The following GRIK4 variants were observed in gnomAD, a reference collection of about 807,000 sequenced individuals.
GRIK4 encodes the protein glutamate receptor ionotropic, kainate 4.
GRIK4 carries 40 observed loss-of-function variants against 104.9 expected under a neutral mutation model. The ratio of observed to expected loss-of-function variants is 0.38; its 90% confidence interval spans 0.30 to 0.50. The LOEUF is 0.50. Ranked by LOEUF, GRIK4 falls within the 20% of genes least tolerant of loss-of-function variation. The pLI is 0.93. For missense variants in GRIK4, 1,047 were observed against 1,308.1 expected (o/e 0.80, Z 3.08); for synonymous variants, 485 against 524.9 (o/e 0.92, Z 1.04).
At chr11:120,742,162 A>G (rs1951343716) in intron 3 of GRIK4, among the ~76,000 whole-genome samples, 1 of 152,082 alleles carries the variant, frequency 6.6e-6, no homozygotes, top group Non-Finnish European at 1.5e-5. Context: ...CCTGGCCAAC[A>G]TGGGGAAACC....
intron 7 of GRIK4, among the ~76,000 whole-genome samples, 170 bp from the exon 8 acceptor site, chr11:120,836,621 T>C (rs1953581240): frequency 6.6e-6 from 1 of 152,200 alleles, no homozygotes; most frequent in Non-Finnish European, 1.5e-5. Flanking sequence ...ATTTCTGTGC[T>C]CCATCCTCTA....
chr11:120,761,360 A>T (rs1951746650), intron 3 of GRIK4, among the ~76,000 whole-genome samples: 1 of 152,112 alleles, frequency 6.6e-6, no homozygotes, highest in Admixed American at 6.5e-5. Flanking sequence ...CTTTTGTCAG[A>T]TGGATAGATT....
At chr11:120,937,497 A>G (rs1943623158) in intron 13 of GRIK4, among the ~76,000 whole-genome samples, 2 of 152,186 alleles carry the variant, frequency 1.3e-5, no homozygotes, top group African/African-American at 4.8e-5. Context: ...GACCGCCACA[A>G]ACCTTTCATG....
chr11:120,674,637 G>A (rs11217962), intron 3 of GRIK4, among the ~76,000 whole-genome samples: 1 of 152,190 alleles, frequency 6.6e-6, no homozygotes, highest in Non-Finnish European at 1.5e-5. Flanking sequence ...TGACACAGGT[G>A]GGGGAGGGAA....
Position 120,513,335 on chromosome 11 carries a change from G to A in GRIK4, c.-159+1448G>A, listed in dbSNP as rs1365257435. ...GTATCTCCGGGGAGAGAGGCCGCCTGGGTTGGTAGTGGGCATCTGAGAGAC... is the reference window on the plus strand; with the variant it reads ...GTATCTCCGGGGAGAGAGGCCGCCTAGGTTGGTAGTGGGCATCTGAGAGAC... On this transcript the variant is annotated intron_variant, in intron 1 of 20. Coordinates refer to ENST00000527524, the MANE Select transcript of GRIK4 (RefSeq NM_014619.5). The surrounding 1 kb of genome is among the most constrained non-coding windows in gnomAD (Gnocchi z 4.5). Among the ~76,000 whole-genome samples the A allele has an allele frequency of 6.6e-6, 1 of 152,142 alleles. No individual in the cohort carries two copies. The highest frequency in any genetic ancestry group is 2.4e-5 in the African/African-American group (1 of 41,432).
At chr11:120,663,835 C>A (rs1949859734) in intron 3 of GRIK4, among the ~76,000 whole-genome samples, 1 of 152,212 alleles carries the variant, frequency 6.6e-6, no homozygotes, top group African/African-American at 2.4e-5. Context: ...TCCTCCATCA[C>A]CATCAGCTTA....
chr11:120,513,401 G>A lies in GRIK4; in HGVS notation c.-159+1514G>A, dbSNP rs1437061246. 1.3e-5 allele frequency among the ~76,000 whole-genome samples: 2 copies of A among 152,150 alleles called. No individual in the cohort carries two copies. The highest frequency in any genetic ancestry group is 2.9e-5 in the Non-Finnish European group (2 of 68,030). The stretch of plus-strand genomic sequence containing the variant: ...TGACTCCCTGACTGTCTGTGCTCGC[G>A]TGGTCAGGGGCGAGGGGCTTGTCGA... On this transcript the variant is annotated intron_variant, in intron 1 of 20. Transcript: ENST00000527524. This position sits in a 1 kb window ranked among gnomAD's most constrained non-coding sequence, Gnocchi z 4.5.
chr11:120,633,851 T>A (rs1301644483), intron 1 of GRIK4, among the ~76,000 whole-genome samples: 1 of 152,062 alleles, frequency 6.6e-6, no homozygotes, highest in Non-Finnish European at 1.5e-5. Context: ...ATAAGGGCCC[T>A]GCTTGCGGCA....
rs760078309 is a variant in GRIK4, at chr11:120,819,902, A to G, written c.493A>G (p.Ile165Val). The G allele has an allele frequency of 5.0e-6, 8 of 1,613,852 alleles. No homozygotes were observed. The African/African-American group carries it at 8.0e-5, about 16-fold the overall frequency. Residue 165 changes from isoleucine (I) to valine (V), a missense_variant, in exon 6 of 21, where the codon ATC (isoleucine) becomes GTC (valine). Around this residue, in one of 3 missense-constraint regions of GRIK4, gnomAD observed 447 missense variants for 514.9 expected, o/e 0.87. Coordinates refer to ENST00000527524, the MANE Select transcript of GRIK4 (RefSeq NM_014619.5). This position sits in a 1 kb window ranked among gnomAD's most constrained non-coding sequence, Gnocchi z 4.3. ...CTTCAACTGCACCACCGCCTGCCTCATCTGTGCCAAAGCAGAATGTAAGTT... is the reference window on the plus strand; with the variant it reads ...CTTCAACTGCACCACCGCCTGCCTCGTCTGTGCCAAAGCAGAATGTAAGTT... ...NFFNCTTACL[I>V]CAKAECLLNL...
chr11:120,529,076 A>G (rs912712295), intron 1 of GRIK4, among the ~76,000 whole-genome samples: 7 of 151,682 alleles, frequency 4.6e-5, no homozygotes, highest in Admixed American at 4.6e-4. Context: ...CTCCTTATCC[A>G]TTCCTCTTCC....
chr11:120,606,525 C>T (rs905551003), intron 1 of GRIK4, among the ~76,000 whole-genome samples: 1 of 152,252 alleles, frequency 6.6e-6, no homozygotes, highest in African/African-American at 2.4e-5. Context: ...CTCCCACAGG[C>T]CTGTGAGCAC....
At position 120,779,037 on chromosome 11, in the gene GRIK4, G is replaced by A. The variant is rs528677856; in HGVS notation, c.83-23656G>A. On this transcript the variant is annotated intron_variant, in intron 3 of 20. Coordinates refer to ENST00000527524, the MANE Select transcript of GRIK4 (RefSeq NM_014619.5). ...TCTCCTGTCAGCTGGGGAGGTGAGCGCCGACTTAGTGGGACAGGTGCACCA... is the reference window on the plus strand; with the variant it reads ...TCTCCTGTCAGCTGGGGAGGTGAGCACCGACTTAGTGGGACAGGTGCACCA... Among the ~76,000 whole-genome samples, 6 of 152,284 alleles carry A rather than the reference G, an allele frequency of 3.9e-5. No individual in the cohort carries two copies. In the East Asian group the frequency reaches 7.7e-4, roughly 20 times the overall value.
intron 3 of GRIK4, among the ~76,000 whole-genome samples, chr11:120,676,311 A>G (rs994539640): frequency 6.6e-6 from 1 of 152,204 alleles, no homozygotes; most frequent in African/African-American, 2.4e-5. Flanking sequence ...TCCCTGCCTC[A>G]AGATCTGTAA....
At chr11:120,627,237 C>T (rs1434702428) in intron 1 of GRIK4, among the ~76,000 whole-genome samples, 2 of 152,222 alleles carry the variant, frequency 1.3e-5, no homozygotes, top group African/African-American at 4.8e-5. Flanking sequence ...CCAGTTCTTC[C>T]TTCATTCACA....
At chr11:120,891,433 G>A (rs1955291874) in intron 11 of GRIK4, among the ~76,000 whole-genome samples, 1 of 152,228 alleles carries the variant, frequency 6.6e-6, no homozygotes, top group South Asian at 2.1e-4. Context: ...CCCCATCTTG[G>A]TACTTAGCAG....
intron 3 of GRIK4, among the ~76,000 whole-genome samples, chr11:120,785,491 C>T (rs1242218717): frequency 6.6e-6 from 1 of 152,164 alleles, no homozygotes; most frequent in Non-Finnish European, 1.5e-5. Flanking sequence ...ATAGAATTGT[C>T]GGTGATGCCA....
At chr11:120,761,520 G>C (rs566372116) in intron 3 of GRIK4, among the ~76,000 whole-genome samples, 1 of 152,092 alleles carries the variant, frequency 6.6e-6, no homozygotes. Flanking sequence ...TGAAATCTTT[G>C]CCCATGCCTA....
chr11:120,602,875 TTA>T (rs937764045), intron 1 of GRIK4, among the ~76,000 whole-genome samples: 53 of 152,192 alleles, frequency 3.5e-4, no homozygotes, highest in African/African-American at 1.2e-3. Flanking sequence ...GCTAATTTTT[TTA>T]TGTTTTGTAG....
chr11:120,917,268 A>G (rs896827874), intron 13 of GRIK4, among the ~76,000 whole-genome samples: 4 of 147,016 alleles, frequency 2.7e-5, no homozygotes, highest in East Asian at 2.0e-4. Flanking sequence ...AAAAAAAAAA[A>G]AAAAGAAAGA....
Sources: allele counts gnomAD v4.1 joint callset (sites outside exome capture counted in the v4.1 genomes callset), GRCh38; gene constraint gnomAD v4.1.1; regional missense constraint gnomAD v4.1.1; non-coding constraint Gnocchi (gnomAD v3.1); transcripts MANE v1.5; gene names NCBI Gene and HGNC (gene_info 2026-07-23, HGNC 2026-07-21).